LRMDA: variants seen among roughly 807,000 people sequenced by gnomAD.
LRMDA encodes the protein leucine rich melanocyte differentiation associated, also known as leucine-rich melanocyte differentiation-associated protein.
Under a neutral mutation model 29.8 loss-of-function variants are expected in LRMDA, and 18 were observed. That is an observed-to-expected ratio of 0.60 (90% confidence interval 0.42 to 0.90). LRMDA has a LOEUF of 0.90. Ranked by LOEUF, LRMDA falls within the 40% of genes least tolerant of loss-of-function variation. The pLI is 0.00. For synonymous variants in LRMDA, 125 were observed against 109.4 expected (o/e 1.14, Z -0.89); for missense variants, 273 against 273.9 (o/e 1.00, Z 0.02).
chr10:76,162,241 G>C (rs1382167568), intron 5 of LRMDA, among the ~76,000 whole-genome samples: 1 of 152,134 alleles, frequency 6.6e-6, no homozygotes, highest in African/African-American at 2.4e-5. Flanking sequence ...TTTGAAGGTA[G>C]GTAGGTAGGT....
chr10:75,850,036 T>G (rs1844705581), intron 2 of LRMDA, among the ~76,000 whole-genome samples: 1 of 152,244 alleles, frequency 6.6e-6, no homozygotes, highest in African/African-American at 2.4e-5. Flanking sequence ...GACTTTATTT[T>G]AGATCATTAT....
intron 2 of LRMDA, among the ~76,000 whole-genome samples, chr10:75,692,601 GTGTGTA>G (rs1475925160): frequency 4.3e-5 from 6 of 138,830 alleles, no homozygotes; most frequent in South Asian, 2.2e-4. Context: ...GTGTGTGTGT[GTGTGTA>G]TGTGTATGTA....
intron 2 of LRMDA, among the ~76,000 whole-genome samples, chr10:75,898,225 T>A (rs1026879810): frequency 2.0e-5 from 3 of 152,164 alleles, no homozygotes; most frequent in African/African-American, 7.2e-5. Context: ...TGTTGCTACT[T>A]AGTCCAAGAA....
At chr10:75,523,598 T>G (rs907272726) in intron 2 of LRMDA, among the ~76,000 whole-genome samples, 2 of 152,190 alleles carry the variant, frequency 1.3e-5, no homozygotes, top group African/African-American at 4.8e-5. Flanking sequence ...CAGAAATGGC[T>G]ATTTAATTTA....
chr10:76,119,293 C>T (rs1180300476), intron 5 of LRMDA, among the ~76,000 whole-genome samples: 3 of 152,028 alleles, frequency 2.0e-5, no homozygotes, highest in Non-Finnish European at 4.4e-5. Flanking sequence ...CAAGGCTCCT[C>T]ACACTTAAAT....
chr10:75,748,050 A>C (rs1438642233), intron 2 of LRMDA, among the ~76,000 whole-genome samples: 1 of 152,122 alleles, frequency 6.6e-6, no homozygotes, highest in Admixed American at 6.5e-5. Flanking sequence ...TTTGCTATTT[A>C]TCATCATACT....
chr10:75,869,549 C>T (rs1268594113), intron 2 of LRMDA, among the ~76,000 whole-genome samples: 2 of 152,120 alleles, frequency 1.3e-5, no homozygotes, highest in Non-Finnish European at 2.9e-5. Context: ...TCCGGTCATA[C>T]CTGCATTATG....
chr10:76,411,947 A>G (rs1040415754), intron 6 of LRMDA, among the ~76,000 whole-genome samples: 9 of 152,280 alleles, frequency 5.9e-5, no homozygotes, highest in Non-Finnish European at 1.0e-4. Context: ...CACTGAGGGA[A>G]TGGAGAATGT....
At chr10:75,943,093 C>G (rs932565626) in intron 2 of LRMDA, among the ~76,000 whole-genome samples, 2 of 149,354 alleles carry the variant, frequency 1.3e-5, no homozygotes, top group African/African-American at 4.9e-5. Context: ...ATGGATGTTT[C>G]TTAACTGTTA....
chr10:75,711,358 A>T (rs1842433758), intron 2 of LRMDA, among the ~76,000 whole-genome samples: 1 of 152,174 alleles, frequency 6.6e-6, no homozygotes, highest in Non-Finnish European at 1.5e-5. Flanking sequence ...ACTAATCCCT[A>T]GAGAACTGTT....
chr10:76,523,721 A>G (rs1843145915), intron 6 of LRMDA, among the ~76,000 whole-genome samples: 2 of 152,224 alleles, frequency 1.3e-5, no homozygotes, highest in African/African-American at 4.8e-5. Flanking sequence ...TCCATGGATG[A>G]AAAGATGGTG....
chr10:75,811,874 C>T (rs1243147199), intron 2 of LRMDA, among the ~76,000 whole-genome samples: 1 of 152,172 alleles, frequency 6.6e-6, no homozygotes, highest in African/African-American at 2.4e-5. Flanking sequence ...TGGAACTTCC[C>T]TCATCATGCT....
At chr10:75,472,869 A>T (rs1268156406) in intron 2 of LRMDA, among the ~76,000 whole-genome samples, 1 of 152,204 alleles carries the variant, frequency 6.6e-6, no homozygotes, top group Non-Finnish European at 1.5e-5. Flanking sequence ...CTGAGGTCCT[A>T]ACAGGAAGCA....
chr10:76,181,405 T>C (rs1273433695), intron 5 of LRMDA, among the ~76,000 whole-genome samples: 1 of 152,238 alleles, frequency 6.6e-6, no homozygotes, highest in African/African-American at 2.4e-5. Context: ...GTACCAACCA[T>C]GTTTGCTAAT....
intron 5 of LRMDA, among the ~76,000 whole-genome samples, chr10:76,216,977 A>C (rs1315783530): frequency 6.6e-6 from 1 of 152,196 alleles, no homozygotes; most frequent in Admixed American, 6.5e-5. Flanking sequence ...TATATCTTGT[A>C]ATAGGTAGAA....
chr10:76,242,370 A>G (rs1296919516), intron 5 of LRMDA: 1 of 152,220 alleles, frequency 6.6e-6, no homozygotes, highest in Admixed American at 6.5e-5. Flanking sequence ...AACAACAGAA[A>G]TTTATTCTCT....
intron 2 of LRMDA, among the ~76,000 whole-genome samples, chr10:75,724,211 T>C (rs1002405803): frequency 1.3e-5 from 2 of 152,234 alleles, no homozygotes; most frequent in Non-Finnish European, 2.9e-5. Flanking sequence ...ATAATCGTGC[T>C]GTGAGGTTCA....
Position 76,541,456 on chromosome 10 carries a change from G to A in LRMDA, c.602-15753G>A, listed in dbSNP as rs111291858. Among the ~76,000 whole-genome samples, 340 of 152,254 alleles carry A rather than the reference G, an allele frequency of 2.2e-3. 2 individuals are homozygous for A. Among genetic ancestry groups the A allele is most frequent in the Middle Eastern group, 0.01 (3 of 294 alleles). ...GTGGAGGCTGCAGTGAGCCCAGATC[G>A]CCCCACCGCTCCAGCCAGGGCGACA... On this transcript the variant is annotated intron_variant, in intron 6 of 6. Transcript: ENST00000611255.
At chr10:76,507,850 C>T (rs1015609918) in intron 6 of LRMDA, among the ~76,000 whole-genome samples, 4 of 151,972 alleles carry the variant, frequency 2.6e-5, no homozygotes, top group African/African-American at 9.7e-5. Flanking sequence ...TTCCATTGGT[C>T]TATGTATCTG....
Sources: gnomAD v4.1 joint callset for allele counts (sites outside exome capture counted in the v4.1 genomes callset) on GRCh38, gnomAD v4.1.1 for gene constraint, MANE v1.5 for transcripts, NCBI Gene and HGNC (gene_info 2026-07-23, HGNC 2026-07-21) for gene names.